Variants in DPYD observed in about 807,000 individuals in gnomAD.
DPYD encodes the protein dihydropyrimidine dehydrogenase, also known as dihydropyrimidine dehydrogenase [NADP(+)].
Under a neutral mutation model 116.2 loss-of-function variants are expected in DPYD, and 109 were observed. That is an observed-to-expected ratio of 0.94 (90% CI 0.80 to 1.10). DPYD has a LOEUF of 1.10. DPYD is among the 50% of genes least tolerant of loss of function. The pLI is 0.00. For synonymous variants in DPYD, 440 were observed against 432.0 expected (o/e 1.02, Z -0.23); for missense variants, 1,302 against 1,254.5 (o/e 1.04, Z -0.57).
chr1:97,369,804 TAAGTAC>T (rs1357773587), intron 16 of DPYD, among the ~76,000 whole-genome samples: 1 of 152,208 alleles, frequency 6.6e-6, no homozygotes, highest in Non-Finnish European at 1.5e-5. Context: ...CTAGCCACTT[TAAGTAC>T]AAGATGTCCA....
intron 8 of DPYD, among the ~76,000 whole-genome samples, chr1:97,668,141 GA>G (rs2100887052): frequency 6.6e-6 from 1 of 152,228 alleles, no homozygotes; most frequent in South Asian, 2.1e-4. Flanking sequence ...TAAAGATGAT[GA>G]AGGTGGTATA....
At chr1:97,366,427 A>G (rs1170148768) in intron 16 of DPYD, among the ~76,000 whole-genome samples, 1 of 152,190 alleles carries the variant, frequency 6.6e-6, no homozygotes, top group Non-Finnish European at 1.5e-5. Flanking sequence ...GCAGAAGCTT[A>G]TACCACACAG....
chr1:97,364,108 C>T (rs1670901815), intron 16 of DPYD, among the ~76,000 whole-genome samples: 1 of 152,116 alleles, frequency 6.6e-6, no homozygotes, highest in South Asian at 2.1e-4. Flanking sequence ...CTTCATATAT[C>T]AATTTCTTCC....
chr1:97,152,548 A>T (rs1028688349), intron 20 of DPYD, among the ~76,000 whole-genome samples: 1 of 151,332 alleles, frequency 6.6e-6, no homozygotes, highest in African/African-American at 2.4e-5. Flanking sequence ...ATTAAATTAT[A>T]ATATTAATGT....
chr1:97,227,203 T>C (rs1410453219), intron 19 of DPYD, among the ~76,000 whole-genome samples: 4 of 151,642 alleles, frequency 2.6e-5, no homozygotes, highest in Non-Finnish European at 5.9e-5. Flanking sequence ...CACGCACTTG[T>C]AATCCCAGCT....
chr1:97,326,155 A>C (rs1420140177), intron 16 of DPYD, among the ~76,000 whole-genome samples: 1 of 151,978 alleles, frequency 6.6e-6, no homozygotes, highest in Non-Finnish European at 1.5e-5. Context: ...AAAAGTTTCA[A>C]GATAAGGACA....
intron 16 of DPYD, among the ~76,000 whole-genome samples, chr1:97,348,517 C>A (rs2101299710): frequency 6.6e-6 from 1 of 152,240 alleles, no homozygotes; most frequent in Non-Finnish European, 1.5e-5. Context: ...GAAGTTCTTG[C>A]AAAACAGACC....
Position 97,641,245 on chromosome 1 carries a change from G to T in DPYD, c.850+37850C>A, listed in dbSNP as rs948080514. 2.0e-5 allele frequency among the ~76,000 whole-genome samples: 3 copies of T among 152,104 alleles called. 1 individual carries two copies. In the South Asian group the frequency reaches 6.2e-4, roughly 32 times the overall value. On this transcript the variant is annotated intron_variant, in intron 8 of 22. Transcript: ENST00000370192. ...CCAGATATTGTACACAGTGCGTAGT[G>T]GGCAATTTGGCTGAAATCTGGTGCA...
intron 8 of DPYD, among the ~76,000 whole-genome samples, chr1:97,648,866 A>G (rs535719596): frequency 6.6e-6 from 1 of 152,182 alleles, no homozygotes; most frequent in South Asian, 2.1e-4. Flanking sequence ...ATGTATAAGC[A>G]TACGGCTACT....
At chr1:97,277,392 C>T (rs1665009324) in intron 18 of DPYD, among the ~76,000 whole-genome samples, 1 of 151,354 alleles carries the variant, frequency 6.6e-6, no homozygotes, top group African/African-American at 2.4e-5. Flanking sequence ...AAAGAGAACA[C>T]AAAAAACACA....
chr1:97,659,398 G>T lies in DPYD; in HGVS notation c.850+19697C>A, dbSNP rs186891496. On this transcript the variant is annotated intron_variant, in intron 8 of 22. Coordinates refer to ENST00000370192, the MANE Select transcript of DPYD (RefSeq NM_000110.4). The stretch of plus-strand genomic sequence containing the variant: ...TGATAATTTTTAGATTATAAATACA[G>T]TCTGTACATTTGTATAAGAGTGGTA... Among the ~76,000 whole-genome samples, 782 of 152,242 alleles carry T rather than the reference G, an allele frequency of 5.1e-3. 5 individuals are homozygous for T. The highest frequency in any genetic ancestry group is 7.4e-3 in the Non-Finnish European group (504 of 68,006).
At chr1:97,185,035 C>T (rs1381392605) in intron 20 of DPYD, among the ~76,000 whole-genome samples, 3 of 151,994 alleles carry the variant, frequency 2.0e-5, no homozygotes, top group Non-Finnish European at 4.4e-5. Context: ...TAGACGTTTC[C>T]TTCTATTAAT....
At chr1:97,809,160 G>A (rs1668229795) in intron 3 of DPYD, among the ~76,000 whole-genome samples, 1 of 152,186 alleles carries the variant, frequency 6.6e-6, no homozygotes, top group Non-Finnish European at 1.5e-5. Flanking sequence ...CAAATTAAAA[G>A]ATCACTCAAG....
intron 20 of DPYD, among the ~76,000 whole-genome samples, chr1:97,163,516 A>C (rs1381858781): frequency 6.6e-6 from 1 of 152,184 alleles, no homozygotes; most frequent in Non-Finnish European, 1.5e-5. Context: ...GGTAATTTCT[A>C]AACAACAGAA....
At chr1:97,845,938 G>A (rs558602032) in intron 2 of DPYD, among the ~76,000 whole-genome samples, 2 of 152,340 alleles carry the variant, frequency 1.3e-5, no homozygotes, top group South Asian at 2.1e-4. Context: ...AGTGCCTGGA[G>A]CTGCCCACCC....
intron 13 of DPYD, among the ~76,000 whole-genome samples, chr1:97,485,955 T>C (rs1678609000): frequency 6.6e-6 from 1 of 152,204 alleles, no homozygotes; most frequent in South Asian, 2.1e-4. Context: ...AAATGAATGA[T>C]ATTGCAATAT....
intron 12 of DPYD, chr1:97,546,036 G>C: frequency 7.3e-7 from 1 of 1,371,708 alleles, no homozygotes; most frequent in South Asian, 1.2e-5. Context: ...AAAATCACAG[G>C]TGTTAGATGA....
rs1407972850 is a variant in DPYD at position 97,719,917 on chromosome 1, TCA to T, written c.483+1591_483+1592del. The T allele has an allele frequency of 3.0e-6, 3 of 984,878 alleles. No individual in the cohort carries two copies. The East Asian group carries it at 3.4e-4, about 112-fold the overall frequency. 61.0% of individuals were successfully genotyped at this position (984,878 alleles called of 1,614,324 possible). A position where few individuals can be genotyped will look rare whatever the true frequency, so the allele number is the denominator to read the frequency against. On this transcript the variant is annotated intron_variant, in intron 5 of 22. Coordinates refer to ENST00000370192, the MANE Select transcript of DPYD (RefSeq NM_000110.4). The stretch of plus-strand genomic sequence containing the variant: ...GCAGTCCTAATCTATGCATAACTCT[TCA>T]TTAGGTGATACTTATGGCAAGACCT...
intron 20 of DPYD, among the ~76,000 whole-genome samples, chr1:97,130,755 T>C (rs1187321345): frequency 1.4e-4 from 2 of 14,622 alleles, no homozygotes; most frequent in African/African-American, 5.2e-4. Context: ...CTTTCTCCCT[T>C]CCTTCCTTCC....
Sources: allele counts gnomAD v4.1 joint callset (sites outside exome capture counted in the v4.1 genomes callset), GRCh38; gene constraint gnomAD v4.1.1; transcripts MANE v1.5; gene names NCBI Gene and HGNC (gene_info 2026-07-23, HGNC 2026-07-21).